Variants in CLEC2A observed in about 807,000 individuals in gnomAD.
CLEC2A encodes C-type lectin domain family 2 member A.
CLEC2A carries 19 observed loss-of-function variants against 18.6 expected under a neutral mutation model. The ratio of observed to expected loss-of-function variants is 1.02; its 90% CI spans 0.71 to 1.50. The LOEUF is 1.50. Ranked by LOEUF, CLEC2A falls within the 40% of genes most tolerant of loss-of-function variation. CLEC2A has a pLI of 0.00. For synonymous variants in CLEC2A, 74 were observed against 64.0 expected, an observed-to-expected ratio of 1.16 and a Z score of -0.75; for missense variants, 190 against 207.9, an observed-to-expected ratio of 0.91 and a Z score of 0.53.
At chr12:9,898,767 T>A in exon 5 of CLEC2A, 1 of 542,854 alleles carries the variant, frequency 1.8e-6, no homozygotes, top group East Asian at 2.8e-5. Flanking sequence ...TTGCTCTGAA[T>A]TGATAAATTT....
In CLEC2A at chr12:9,913,638, A is replaced by G. The variant is rs937075409; in HGVS notation, c.453T>C (p.Ala151=). The G allele has an allele frequency of 1.3e-6, 2 of 1,549,918 alleles. No individual in the cohort carries two copies. Among genetic ancestry groups the G allele is most frequent in the East Asian group, 2.4e-5 (1 of 40,914 alleles). ...ATCCTCTGGAACTATGGACTCCATC[A>G]GCACTCAAGAAAGCAAAGGATCCGT... ...IGNGSFAFLS[A]DGVHSSRGFI... The change falls in exon 5 of 5, where the codon GCT becomes GCC. Residue 151 remains alanine, a synonymous_variant. Transcript: ENST00000455827.
chr12:9,921,012 A>G (rs377388920), intron 3 of CLEC2A, among the ~76,000 whole-genome samples: 1 of 152,230 alleles, frequency 6.6e-6, no homozygotes, highest in African/African-American at 2.4e-5. Context: ...ACATGGCATC[A>G]CTAGTCATCT....
At chr12:9,902,602 G>A (rs1862847841) in intron 4 of CLEC2A, among the ~76,000 whole-genome samples, 2 of 150,720 alleles carry the variant, frequency 1.3e-5, no homozygotes, top group African/African-American at 4.9e-5. Flanking sequence ...CTTCCACACT[G>A]TGGAAGCTTT....
chr12:9,930,143 C>T (rs1591798252), intron 1 of CLEC2A, among the ~76,000 whole-genome samples: 1 of 152,086 alleles, frequency 6.6e-6, no homozygotes. Context: ...CTGTTCCAGG[C>T]CATTCTCCTT....
downstream of CLEC2A, chr12:9,895,600 T>C: frequency 8.1e-7 from 1 of 1,239,202 alleles, no homozygotes; most frequent in Non-Finnish European, 1.1e-6. Flanking sequence ...GCTGAAGAAT[T>C]ACCTATAAAA....
chr12:9,884,521 T>C, the CLEC2A span, among the ~76,000 whole-genome samples: 1 of 150,442 alleles, frequency 6.6e-6, no homozygotes. Context: ...GTGCCTGACA[T>C]AGATATATAC....
In CLEC2A at chr12:9,926,405, C is replaced by G. The variant is rs1188195909; in HGVS notation, c.56-62G>C. ...AATAAACACTGACTCGATATTATTA[C>G]TGGTGTATTCCTCTCCTATAATTGT... On this transcript the variant is annotated intron_variant, in intron 1 of 4. Transcript: ENST00000455827. 3 of 955,810 alleles carry G rather than the reference C, an allele frequency of 3.1e-6. No homozygotes were observed. In the African/African-American group the frequency reaches 4.9e-5, roughly 16 times the overall value. 59.2% of individuals were successfully genotyped at this position (955,810 alleles called of 1,614,324 possible).
chr12:9,911,384 T>C (rs750724169), downstream of CLEC2A, among the ~76,000 whole-genome samples: 1 of 152,148 alleles, frequency 6.6e-6, no homozygotes, highest in Non-Finnish European at 1.5e-5. Flanking sequence ...ATTAAGCCCT[T>C]TGAAGAGGAA....
intron 1 of CLEC2A, 116 bp downstream of exon 1, chr12:9,932,159 T>G: frequency 1.4e-6 from 1 of 735,386 alleles, no homozygotes; most frequent in South Asian, 1.7e-5. Context: ...TGCTTCCCCA[T>G]CCCTCACTTA....
chr12:9,884,340 C>A, the CLEC2A span, among the ~76,000 whole-genome samples: 58 of 151,892 alleles, frequency 3.8e-4, no homozygotes, highest in African/African-American at 1.4e-3. Context: ...GAAACTGACT[C>A]CTGTCTAAAG....
At chr12:9,915,460 T>G (rs1244974731) in intron 4 of CLEC2A, among the ~76,000 whole-genome samples, 1 of 152,078 alleles carries the variant, frequency 6.6e-6, no homozygotes, top group Non-Finnish European at 1.5e-5. Flanking sequence ...CCCAAAGGGC[T>G]ATCAAAGATA....
downstream of CLEC2A, among the ~76,000 whole-genome samples, chr12:9,908,991 T>G (rs1046862267): frequency 5.3e-5 from 8 of 152,182 alleles, no homozygotes; most frequent in Non-Finnish European, 1.2e-4. Context: ...ACCTTTTGAG[T>G]TTCTCTGAGA....
chr12:9,902,694 A>G (rs535871535), intron 4 of CLEC2A, among the ~76,000 whole-genome samples: 226 of 152,178 alleles, frequency 1.5e-3, no homozygotes, highest in African/African-American at 5.3e-3. Flanking sequence ...AAGAAGAACC[A>G]GCATTGAGAC....
chr12:9,929,619 A>G (rs1295460803), intron 1 of CLEC2A, among the ~76,000 whole-genome samples: 2 of 152,116 alleles, frequency 1.3e-5, no homozygotes, highest in Non-Finnish European at 2.9e-5. Flanking sequence ...ATCCACTTGT[A>G]TATGAATTTT....
chr12:9,922,803 A>G (rs1340267267), intron 2 of CLEC2A, among the ~76,000 whole-genome samples: 14 of 152,218 alleles, frequency 9.2e-5, no homozygotes, highest in Admixed American at 9.2e-4. Context: ...AGTATTCAGA[A>G]TAAGACAAGT....
At chr12:9,923,316 C>T (rs1180317930) in intron 2 of CLEC2A, among the ~76,000 whole-genome samples, 1 of 152,134 alleles carries the variant, frequency 6.6e-6, no homozygotes, top group East Asian at 1.9e-4. Context: ...AGCCAACAGA[C>T]ACAGGAAAAA....
chr12:9,895,383 A>G (rs1862745242), downstream of CLEC2A, among the ~76,000 whole-genome samples: 1 of 152,218 alleles, frequency 6.6e-6, no homozygotes, highest in Non-Finnish European at 1.5e-5. Context: ...AGCTGGGAGA[A>G]GTGAATGGTT....
downstream of CLEC2A, among the ~76,000 whole-genome samples, chr12:9,897,072 C>G (rs548511836): frequency 1.8e-4 from 28 of 152,054 alleles, no homozygotes; most frequent in Non-Finnish European, 3.8e-4. Context: ...GTTGGCCAGG[C>G]TGGTCTCGAA....
intron 4 of CLEC2A, among the ~76,000 whole-genome samples, chr12:9,900,275 C>T (rs1290639140): frequency 6.6e-6 from 1 of 152,168 alleles, no homozygotes; most frequent in Non-Finnish European, 1.5e-5. Flanking sequence ...TGACCTGAAG[C>T]CAGACATTGC....
Sources: allele counts gnomAD v4.1 joint callset (sites outside exome capture counted in the v4.1 genomes callset), GRCh38; gene constraint gnomAD v4.1.1; transcripts MANE v1.5; gene names NCBI Gene and HGNC (gene_info 2026-07-23, HGNC 2026-07-21).